GABRA6: variants seen among roughly 807,000 people sequenced by gnomAD.
The protein encoded by GABRA6 is gamma-aminobutyric acid type A receptor subunit alpha6, also known as gamma-aminobutyric acid receptor subunit alpha-6.
A neutral mutation model predicts 47.3 loss-of-function variants in GABRA6; 45 were observed. That is an observed-to-expected ratio of 0.95 (90% CI 0.75 to 1.22). GABRA6 has a LOEUF of 1.22. Among genes scored for constraint, GABRA6 ranks in the 50% most tolerant of loss-of-function variants. The pLI is 0.00. For missense variants in GABRA6, 583 were observed against 549.3 expected (o/e 1.06, Z -0.61); for synonymous variants, 219 against 194.7 (o/e 1.12, Z -1.04).
At chr5:161,694,804 T>A (rs1005816691) in intron 8 of GABRA6, among the ~76,000 whole-genome samples, 1 of 152,160 alleles carries the variant, frequency 6.6e-6, no homozygotes, top group Non-Finnish European at 1.5e-5. Context: ...AATCAAACAA[T>A]GTAAACCTTG....
At chr5:161,687,699 G>A in intron 3 of GABRA6, 1 of 209,006 alleles carries the variant, frequency 4.8e-6, no homozygotes, top group South Asian at 5.7e-5. Context: ...TGTCTTTAAA[G>A]AGGTTCACCA....
intron 8 of GABRA6, among the ~76,000 whole-genome samples, 173 bp downstream of exon 8, chr5:161,692,373 A>C (rs1342395430): frequency 3.9e-5 from 6 of 152,190 alleles, no homozygotes; most frequent in African/African-American, 1.4e-4. Flanking sequence ...GCTATGGAAC[A>C]ATCCTTCATT....
At position 161,692,079 on chromosome 5, in the gene GABRA6, C is replaced by T. The variant is rs1754802082; in HGVS notation, c.965C>T (p.Ala322Val). ...GTCTTCTCTGCGCTTATCGAGTTCG[C>T]AGCTGTCAACTACTTTACCAATCTT... ...AFVFSALIEF[A>V]AVNYFTNLQT... The change falls in exon 8 of 9, where the codon GCA becomes GTA. Residue 322 changes from alanine (A) to valine (V), a missense_variant. Transcript: ENST00000274545. 1 of 1,614,154 alleles carries T rather than the reference C, an allele frequency of 6.2e-7. No homozygotes were observed. Among genetic ancestry groups the T allele is most frequent in the Non-Finnish European group, 8.5e-7 (1 of 1,180,002 alleles).
intron 8 of GABRA6, among the ~76,000 whole-genome samples, chr5:161,692,569 C>A (rs1021814253): frequency 6.6e-6 from 1 of 152,112 alleles, no homozygotes; most frequent in African/African-American, 2.4e-5. Context: ...TTTCAGAGTG[C>A]AGGAAAGACA....
chr5:161,689,002 G>T lies in GABRA6; in HGVS notation c.279G>T (p.Lys93Asn). 3 of 1,614,052 alleles carry T rather than the reference G, an allele frequency of 1.9e-6. No individual in the cohort carries two copies. The highest frequency in any genetic ancestry group is 2.5e-6 in the Non-Finnish European group (3 of 1,179,950). Residue 93 changes from lysine to asparagine, a missense_variant, in exon 4 of 9, where the codon AAG becomes AAT. Transcript: ENST00000274545. Reference sequence around the variant, plus strand: ...AGACCTGGACTGATGAGAGGTTGAAGTTTGGGGGGCCAACTGAGATTCTGA... The same window carrying T: ...AGACCTGGACTGATGAGAGGTTGAATTTTGGGGGGCCAACTGAGATTCTGA... The part of the protein sequence containing the change: ...FRQTWTDERL[K>N]FGGPTEILSL...
chr5:161,698,339 A>G (rs1754918732), intron 8 of GABRA6, among the ~76,000 whole-genome samples: 1 of 152,182 alleles, frequency 6.6e-6, no homozygotes, highest in African/African-American at 2.4e-5. Flanking sequence ...TGGAGAAATC[A>G]GTGATGGTAG....
chr5:161,689,994 A>G (rs1412453603), intron 6 of GABRA6: 3 of 667,658 alleles, frequency 4.5e-6, no homozygotes, highest in Non-Finnish European at 7.7e-6. Context: ...TGTATATGAT[A>G]TAAAGAACCC....
chr5:161,695,419 G>A (rs1199372064), intron 8 of GABRA6, among the ~76,000 whole-genome samples: 2 of 151,820 alleles, frequency 1.3e-5, no homozygotes, highest in African/African-American at 2.4e-5. Context: ...CTTATATGGT[G>A]ATTTTTTCTT....
intron 7 of GABRA6, among the ~76,000 whole-genome samples, chr5:161,690,952 A>C (rs1018021950): frequency 2.0e-5 from 3 of 152,158 alleles, no homozygotes; most frequent in Admixed American, 2.0e-4. Flanking sequence ...ATTGAATAGA[A>C]ATCATAAATC....
rs1322998719 is a variant in GABRA6 at position 161,686,324 on chromosome 5, A to C, written c.133A>C (p.Asn45His). 2.5e-6 allele frequency: 4 copies of C among 1,613,876 alleles called. No homozygotes were observed. The highest frequency in any genetic ancestry group is 3.4e-6 in the Non-Finnish European group (4 of 1,179,864). ...GGACAACTTGCTTGAAGGCTATGAC[A>C]ATCGGCTGCGGCCGGGATTTGGAGG... ...ILDNLLEGYD[N>H]RLRPGFGGAV... is the part of the protein sequence containing the mutation. Residue 45 changes from asparagine to histidine, a missense_variant, in exon 2 of 9, where the codon AAT (asparagine) becomes CAT (histidine). Physicochemically the swap from Asn to His is moderately conservative, Grantham distance 68. Coordinates refer to ENST00000274545, the MANE Select transcript of GABRA6 (RefSeq NM_000811.3).
At chr5:161,691,915 A>G in intron 7 of GABRA6, 26 bp from the exon 8 acceptor site, 1 of 1,605,806 alleles carries the variant, frequency 6.2e-7, no homozygotes, top group Non-Finnish European at 8.5e-7. Flanking sequence ...TACTAATATT[A>G]CAATTCCTAT....
chr5:161,697,339 C>T (rs1212400122), intron 8 of GABRA6, among the ~76,000 whole-genome samples: 1 of 152,188 alleles, frequency 6.6e-6, no homozygotes, highest in African/African-American at 2.4e-5. Context: ...ACAAAATTTG[C>T]TTTCTTTTCA....
intron 8 of GABRA6, among the ~76,000 whole-genome samples, chr5:161,695,526 T>G (rs1243397210): frequency 6.6e-6 from 1 of 152,104 alleles, no homozygotes; most frequent in East Asian, 1.9e-4. Flanking sequence ...TACCTGTACC[T>G]ATACTGTGTG....
rs954354699 is a variant in GABRA6, at chr5:161,685,847, C to A, written c.-143C>A. The stretch of plus-strand genomic sequence containing the variant: ...GCAAATTTTTAGGCAACCTCTTTAT[C>A]TATTGGATTACTGACTTGAGGCAAA... On this transcript the variant is annotated 5_prime_UTR_variant, in exon 1 of 9. Transcript: ENST00000274545. The A allele has an allele frequency of 9.3e-6, 7 of 749,968 alleles. No homozygotes were observed. The highest frequency in any genetic ancestry group is 7.0e-5 in the African/African-American group (4 of 57,490). The allele number at this position is 749,968 out of a possible 1,614,324, so 46.5% of individuals were successfully genotyped here.
intron 3 of GABRA6, chr5:161,687,301 G>A: frequency 2.3e-6 from 1 of 426,318 alleles, no homozygotes. Context: ...TCTTTGTGAA[G>A]CTCCAGCAAA....
At chr5:161,690,101 C>T (rs1754766533) in intron 6 of GABRA6, 100 bp from the exon 7 acceptor site, 1 of 1,121,532 alleles carries the variant, frequency 8.9e-7, no homozygotes, top group East Asian at 2.4e-5. Flanking sequence ...TGTTTTCTTC[C>T]AGTCAATGTT....
Position 161,686,230 on chromosome 5 carries a change from G to A in GABRA6, c.39G>A (p.Trp13Ter). 1.2e-6 allele frequency: 2 copies of A among 1,608,806 alleles called. No homozygotes were observed. Among genetic ancestry groups the A allele is most frequent in the Non-Finnish European group, 8.5e-7 (1 of 1,175,198 alleles). The change falls in exon 2 of 9, where the codon TGG (tryptophan) becomes TGA (stop). Residue 13 changes from tryptophan (W) to a stop codon, truncating the protein, a stop_gained and splice_region_variant. Coordinates refer to ENST00000274545, the MANE Select transcript of GABRA6 (RefSeq NM_000811.3). LOFTEE classifies it high-confidence loss of function. ...AGGATCATTGACTGTCTACACACAG[G>A]CTAGAAAATGCCCTAGGGAAACTCG... is the stretch of plus-strand genomic sequence containing the variant. ...SSLPWLCIIL[W>*]LENALGKLEV...
intron 8 of GABRA6, among the ~76,000 whole-genome samples, chr5:161,693,886 A>C (rs1219885281): frequency 2.0e-5 from 3 of 152,196 alleles, no homozygotes; most frequent in Non-Finnish European, 2.9e-5. Flanking sequence ...ACAGAGACTG[A>C]GGCCACCCTT....
chr5:161,691,934 AT>A lies in GABRA6; in HGVS notation c.827-3del. 6.2e-7 allele frequency: 1 copy of A among 1,612,356 alleles called. No homozygotes were observed. The highest frequency in any genetic ancestry group is 1.1e-5 in the South Asian group (1 of 91,038). The stretch of plus-strand genomic sequence containing the variant: ...AATATTACAATTCCTATTCTTTTTT[AT>A]TTTAGGGATCACCACTGTTTTAACT... On this transcript the variant is annotated splice_region_variant and splice_polypyrimidine_tract_variant and intron_variant, in intron 7 of 8. Transcript: ENST00000274545.
Sources: allele counts gnomAD v4.1 joint callset (sites outside exome capture counted in the v4.1 genomes callset), GRCh38; gene constraint gnomAD v4.1.1; transcripts MANE v1.5; gene names NCBI Gene and HGNC (gene_info 2026-07-23, HGNC 2026-07-21).